PTPRT: variants seen among roughly 807,000 people sequenced by gnomAD.
PTPRT encodes receptor-type tyrosine-protein phosphatase T.
Under a neutral mutation model 176.8 loss-of-function variants are expected in PTPRT, and 56 were observed. That is an observed-to-expected ratio of 0.32 (90% confidence interval 0.26 to 0.40). The LOEUF (loss-of-function observed/expected upper bound fraction) is 0.40, where lower values mean the gene tolerates loss of function less well. PTPRT is among the 10% of genes least tolerant of loss of function. The pLI is 1.00. For missense variants in PTPRT, 1,540 were observed against 1,908.2 expected (o/e 0.81, Z 3.60); for synonymous variants, 783 against 739.0 (o/e 1.06, Z -0.96).
chr20:42,728,507 T>C (rs2076412833), intron 6 of PTPRT, among the ~76,000 whole-genome samples: 1 of 152,190 alleles, frequency 6.6e-6, no homozygotes, highest in South Asian at 2.1e-4. Flanking sequence ...GCCTGGCTCC[T>C]TTACTCAGCA....
chr20:42,527,026 C>G (rs924322938), intron 7 of PTPRT, among the ~76,000 whole-genome samples: 3 of 139,886 alleles, frequency 2.1e-5, no homozygotes, highest in East Asian at 4.5e-4. Flanking sequence ...TGCAGTGGCA[C>G]GATCTCAGCT....
chr20:42,099,429 C>T (rs1284786681), intron 26 of PTPRT, among the ~76,000 whole-genome samples: 1 of 151,918 alleles, frequency 6.6e-6, no homozygotes. Context: ...GTTTTACGTC[C>T]TTGGCACTGG....
chr20:42,068,376 G>C (rs1982168285), downstream of PTPRT, among the ~76,000 whole-genome samples: 2 of 152,276 alleles, frequency 1.3e-5, no homozygotes, highest in African/African-American at 2.4e-5. Flanking sequence ...AGAGGCATCT[G>C]TTTTACCCAG....
At chr20:42,826,566 C>T (rs529863355) in intron 2 of PTPRT, among the ~76,000 whole-genome samples, 2 of 152,166 alleles carry the variant, frequency 1.3e-5, no homozygotes, top group Non-Finnish European at 2.9e-5. Context: ...TGCTTCTCAG[C>T]CTTTTGGCTA....
At position 42,662,139 on chromosome 20, in the gene PTPRT, C is replaced by T. The variant is rs550206073; in HGVS notation, c.1153+15727G>A. On this transcript the variant is annotated intron_variant, in intron 7 of 30. Coordinates refer to ENST00000373187, the MANE Select transcript of PTPRT (RefSeq NM_007050.6). The stretch of plus-strand genomic sequence containing the variant: ...CTGAAAAAAGATAGCATACTGTCCT[C>T]TTAATATGTTGTACCAGTTAACTCA... 1.8e-4 allele frequency among the ~76,000 whole-genome samples: 28 copies of T among 152,312 alleles called. No individual in the cohort carries two copies. In the South Asian group the frequency reaches 5.2e-3, roughly 28 times the overall value.
chr20:42,433,507 TTGGAGTGCAG>T (rs2059234411), intron 9 of PTPRT, among the ~76,000 whole-genome samples: 1 of 152,176 alleles, frequency 6.6e-6, no homozygotes, highest in Non-Finnish European at 1.5e-5. Context: ...TGAGGCCATG[TTGGAGTGCAG>T]TGGAAGAGCA....
chr20:42,738,117 G>T (rs2076564091), intron 6 of PTPRT, among the ~76,000 whole-genome samples: 2 of 152,108 alleles, frequency 1.3e-5, no homozygotes, highest in African/African-American at 2.4e-5. Flanking sequence ...GCCAGAGCTG[G>T]GATCTGAATA....
chr20:43,136,163 G>A (rs1347132819), intron 1 of PTPRT, among the ~76,000 whole-genome samples: 1 of 152,182 alleles, frequency 6.6e-6, no homozygotes, highest in East Asian at 1.9e-4. Flanking sequence ...TTTAGCACAA[G>A]TAATTAATGG....
At chr20:43,150,643 A>C (rs2014321178) in intron 1 of PTPRT, among the ~76,000 whole-genome samples, 1 of 151,900 alleles carries the variant, frequency 6.6e-6, no homozygotes. Context: ...TTTTGGTAGA[A>C]ATGGGGTTTC....
intron 13 of PTPRT, among the ~76,000 whole-genome samples, chr20:42,262,334 A>C (rs1241768376): frequency 6.6e-6 from 1 of 152,204 alleles, no homozygotes; most frequent in Non-Finnish European, 1.5e-5. Flanking sequence ...ACACTGGCAC[A>C]GAGTCCTAAG....
chr20:42,625,390 A>C (rs1464069008), intron 7 of PTPRT, among the ~76,000 whole-genome samples: 1 of 152,184 alleles, frequency 6.6e-6, no homozygotes, highest in Non-Finnish European at 1.5e-5. Context: ...AGTGAATTGA[A>C]ACATATAGAG....
chr20:43,120,103 G>A (rs1025179086), intron 1 of PTPRT, among the ~76,000 whole-genome samples: 14 of 152,058 alleles, frequency 9.2e-5, no homozygotes, highest in Non-Finnish European at 1.6e-4. Context: ...TACCAGACCC[G>A]TCCAGCACCC....
At chr20:42,811,674 C>A (rs887866637) in intron 2 of PTPRT, among the ~76,000 whole-genome samples, 16 of 152,142 alleles carry the variant, frequency 1.1e-4, no homozygotes, top group African/African-American at 3.9e-4. Flanking sequence ...CTCTCAATTT[C>A]TCAGTTTTAA....
chr20:42,730,066 G>C (rs1600671399), intron 6 of PTPRT, among the ~76,000 whole-genome samples: 1 of 152,312 alleles, frequency 6.6e-6, no homozygotes, highest in East Asian at 1.9e-4. Flanking sequence ...GGCTCAAAAT[G>C]AAAGTATGAC....
intron 13 of PTPRT, among the ~76,000 whole-genome samples, chr20:42,262,598 T>C (rs1292676924): frequency 2.0e-5 from 3 of 151,992 alleles, no homozygotes; most frequent in African/African-American, 7.3e-5. Flanking sequence ...GTGAGTAGAG[T>C]GAGGTGCTTG....
chr20:42,907,630 A>G (rs564290266), intron 1 of PTPRT, among the ~76,000 whole-genome samples: 28 of 152,304 alleles, frequency 1.8e-4, no homozygotes, highest in Middle Eastern at 6.8e-3. Flanking sequence ...GCCAGCTGGC[A>G]TGTCAGGGGC....
intron 26 of PTPRT, among the ~76,000 whole-genome samples, chr20:42,099,563 GGGT>G (rs1568928333): frequency 5.5e-4 from 27 of 49,126 alleles, no homozygotes; most frequent in African/African-American, 1.5e-3. Context: ...GGGGGGGGTG[GGGT>G]GGTCTGGCAG....
intron 11 of PTPRT, among the ~76,000 whole-genome samples, chr20:42,322,573 C>G (rs551655251): frequency 3.8e-4 from 54 of 142,286 alleles, no homozygotes; most frequent in Non-Finnish European, 5.4e-4. Context: ...AAAGCTGAAA[C>G]TGGATCCCTT....
At position 42,217,376 on chromosome 20, in the gene PTPRT, T is replaced by TACACACACAC. The variant is rs71335847; in HGVS notation, c.2343-17998_2343-17989dup. Reference sequence around the variant, plus strand: ...GGGGATAGAGTGAGACTCTCAAACATACACACACACACACACACACACACA... The same window carrying TACACACACAC: ...GGGGATAGAGTGAGACTCTCAAACATACACACACACACACACACACACACACACACACACA... On this transcript the variant is annotated intron_variant, in intron 15 of 30. Transcript: ENST00000373187. 5.2e-4 allele frequency among the ~76,000 whole-genome samples: 54 copies of TACACACACAC among 104,370 alleles called. 1 individual carries two copies. The highest frequency in any genetic ancestry group is 2.8e-3 in the East Asian group (10 of 3,548). 68.5% of individuals were successfully genotyped at this position (104,370 alleles called of 152,430 possible).
Sources: allele counts gnomAD v4.1 joint callset (sites outside exome capture counted in the v4.1 genomes callset), GRCh38; gene constraint gnomAD v4.1.1; transcripts MANE v1.5; gene names NCBI Gene and HGNC (gene_info 2026-07-23, HGNC 2026-07-21).